F13A1: variants seen among roughly 807,000 people sequenced by gnomAD.
F13A1 encodes FSF, A subunit.
A neutral mutation model predicts 80.1 loss-of-function variants in F13A1; 47 were observed. The observed-to-expected ratio is 0.59, with a 90% CI of 0.46 to 0.75. The LOEUF (loss-of-function observed/expected upper bound fraction) is 0.75, where lower values mean the gene tolerates loss of function less well. F13A1 is among the 30% of genes least tolerant of loss of function. F13A1 has a pLI of 0.00. For missense variants in F13A1, 817 were observed against 930.4 expected, an observed-to-expected ratio of 0.88 and a Z score of 1.59; for synonymous variants, 349 against 344.9, an observed-to-expected ratio of 1.01 and a Z score of -0.13.
chr6:6,285,395 A>G (rs1758123789), intron 3 of F13A1, among the ~76,000 whole-genome samples: 1 of 152,240 alleles, frequency 6.6e-6, no homozygotes. Flanking sequence ...TTGTAAACAG[A>G]ATTGGAAAGG....
At chr6:6,313,177 CTT>C (rs1217036419) in intron 2 of F13A1, among the ~76,000 whole-genome samples, 2 of 151,788 alleles carry the variant, frequency 1.3e-5, no homozygotes, top group African/African-American at 4.8e-5. Flanking sequence ...TGGAAAAAGT[CTT>C]ATCATCATCC....
chr6:6,217,222 T>G (rs1253744426), intron 8 of F13A1, among the ~76,000 whole-genome samples: 3 of 152,094 alleles, frequency 2.0e-5, no homozygotes, highest in African/African-American at 7.2e-5. Context: ...TAAAGACACA[T>G]GCACACATAT....
intron 8 of F13A1, among the ~76,000 whole-genome samples, chr6:6,198,194 T>G (rs1761325495): frequency 6.6e-6 from 1 of 152,210 alleles, no homozygotes; most frequent in Admixed American, 6.5e-5. Flanking sequence ...GGTGAATCTC[T>G]CTTTACCCTT....
At chr6:6,174,406 A>G (rs1256468520) in intron 12 of F13A1, among the ~76,000 whole-genome samples, 174 bp downstream of exon 12, 9 of 146,100 alleles carry the variant, frequency 6.2e-5, no homozygotes. Flanking sequence ...TAAAAATAAA[A>G]AAAAAGAAAG....
At chr6:6,315,291 A>G (rs1222905263) in intron 2 of F13A1, among the ~76,000 whole-genome samples, 1 of 152,236 alleles carries the variant, frequency 6.6e-6, no homozygotes, top group Non-Finnish European at 1.5e-5. Context: ...ACAAATCCAA[A>G]TCTGAGGAGA....
chr6:6,207,329 A>T (rs1761514762), intron 8 of F13A1, among the ~76,000 whole-genome samples: 1 of 152,158 alleles, frequency 6.6e-6, no homozygotes, highest in Non-Finnish European at 1.5e-5. Flanking sequence ...CTCCATTCTC[A>T]GGGCTTGTTT....
At chr6:6,254,523 T>C (rs1482696665) in intron 4 of F13A1, among the ~76,000 whole-genome samples, 2 of 152,176 alleles carry the variant, frequency 1.3e-5, no homozygotes, top group Non-Finnish European at 2.9e-5. Flanking sequence ...GAGCAACAGG[T>C]TGACACAATC....
intron 13 of F13A1, among the ~76,000 whole-genome samples, chr6:6,160,339 C>CTTTTG (rs939251919): frequency 2.0e-5 from 3 of 148,198 alleles, no homozygotes; most frequent in East Asian, 2.1e-4. Context: ...TAATGTTTTG[C>CTTTTG]TTTTGTTTTG....
chr6:6,178,506 A>G (rs1227109550), intron 11 of F13A1, among the ~76,000 whole-genome samples: 1 of 151,982 alleles, frequency 6.6e-6, no homozygotes, highest in Non-Finnish European at 1.5e-5. Flanking sequence ...GAGGTGAGGG[A>G]GAGAGTGAGA....
At chr6:6,304,999 T>C (rs2113183300) in intron 3 of F13A1, 2 of 375,812 alleles carry the variant, frequency 5.3e-6, no homozygotes, top group South Asian at 4.7e-5. Context: ...GATTGCATGC[T>C]AAGATTTACA....
chr6:6,164,308 GAAAC>G (rs1446809592), intron 13 of F13A1, among the ~76,000 whole-genome samples: 13 of 152,128 alleles, frequency 8.5e-5, no homozygotes, highest in African/African-American at 2.7e-4. Flanking sequence ...CACACAGAAG[GAAAC>G]AAACAGACAC....
intron 13 of F13A1, among the ~76,000 whole-genome samples, chr6:6,154,289 G>C (rs1460564115): frequency 6.6e-6 from 1 of 152,170 alleles, no homozygotes; most frequent in African/African-American, 2.4e-5. Flanking sequence ...AGGCAAACTA[G>C]AACATGAACC....
At position 6,279,264 on chromosome 6, in the gene F13A1, CTG is replaced by C. The variant is rs371680824; in HGVS notation, c.320-12457_320-12456del. On this transcript the variant is annotated intron_variant, in intron 3 of 14. Coordinates refer to ENST00000264870, the MANE Select transcript of F13A1 (RefSeq NM_000129.4). ...TTCCTTGGCATGAGTTTAAACAAGACTGTGTTATTCTATCAATCCATGAAGGC... is the reference window on the plus strand; with the variant it reads ...TTCCTTGGCATGAGTTTAAACAAGACTGTTATTCTATCAATCCATGAAGGC... Among the ~76,000 whole-genome samples the C allele has an allele frequency of 6.0e-3, 919 of 152,210 alleles. 12 individuals carry two copies. The highest frequency in any genetic ancestry group is 0.021 in the African/African-American group (863 of 41,524).
At chr6:6,217,131 G>T in intron 8 of F13A1, among the ~76,000 whole-genome samples, 1 of 147,792 alleles carries the variant, frequency 6.8e-6, no homozygotes, top group African/African-American at 2.5e-5. Context: ...GATTCCTCAG[G>T]GATCTAGAAC....
At chr6:6,279,038 C>T (rs1040304972) in intron 3 of F13A1, among the ~76,000 whole-genome samples, 3 of 152,064 alleles carry the variant, frequency 2.0e-5, no homozygotes, top group Non-Finnish European at 4.4e-5. Context: ...ATGTTTATAT[C>T]CCTGGGAAAG....
chr6:6,255,331 A>G (rs895858348), intron 4 of F13A1, among the ~76,000 whole-genome samples: 1 of 152,148 alleles, frequency 6.6e-6, no homozygotes, highest in African/African-American at 2.4e-5. Context: ...CACTCATAAC[A>G]TCCTTGTGAG....
At chr6:6,151,429 AC>A (rs1379160703) in intron 14 of F13A1, among the ~76,000 whole-genome samples, 1 of 152,210 alleles carries the variant, frequency 6.6e-6, no homozygotes, top group East Asian at 1.9e-4. Context: ...AAGAGACCAT[AC>A]GTGAGTAGGT....
intron 3 of F13A1, among the ~76,000 whole-genome samples, chr6:6,272,018 A>G (rs1757928116): frequency 6.6e-6 from 1 of 152,224 alleles, no homozygotes; most frequent in South Asian, 2.1e-4. Flanking sequence ...TCTTGATATT[A>G]GTATTCTTCA....
intron 4 of F13A1, among the ~76,000 whole-genome samples, chr6:6,255,310 G>GAACTCATC (rs1488176707): frequency 4.6e-5 from 7 of 152,088 alleles, no homozygotes; most frequent in African/African-American, 1.7e-4. Flanking sequence ...CAAGACACAT[G>GAACTCATC]AACTCATCAA....
Sources: gnomAD v4.1 joint callset for allele counts (sites outside exome capture counted in the v4.1 genomes callset) on GRCh38, gnomAD v4.1.1 for gene constraint, MANE v1.5 for transcripts, NCBI Gene and HGNC (gene_info 2026-07-23, HGNC 2026-07-21) for gene names.